The following TP53I13 variants were observed in gnomAD, a reference collection of about 807,000 sequenced individuals.
TP53I13 encodes tumor protein p53-inducible protein 13.
TP53I13 carries 27 observed loss-of-function variants against 39.1 expected under a neutral mutation model. The observed-to-expected ratio is 0.69, with a 90% CI of 0.51 to 0.95. The LOEUF is 0.95. TP53I13 is among the 40% of genes least tolerant of loss of function. The pLI is 0.00. For synonymous variants in TP53I13, 230 were observed against 224.6 expected, an observed-to-expected ratio of 1.02 and a Z score of -0.22; for missense variants, 544 against 520.4, an observed-to-expected ratio of 1.05 and a Z score of -0.44.
rs114349643 is a variant in TP53I13 at position 29,570,837 on chromosome 17, G to A, written c.184-754G>A. On this transcript the variant is annotated intron_variant, in intron 3 of 6. Transcript: ENST00000301057. ...CTCCACACCTGGCCTATCCTGACTC[G>A]GAGAGTGCAGCTCCCTGCCCTCCTG... 9.5e-3 allele frequency: 1,442 copies of A among 152,322 alleles called. 24 individuals are homozygous for A. Among genetic ancestry groups the A allele is most frequent in the African/African-American group, 0.032 (1,329 of 41,490 alleles). The allele number at this position is 152,322 out of a possible 1,614,324, so 9.4% of individuals were successfully genotyped here. A position where few individuals can be genotyped will look rare whatever the true frequency, so the allele number is the denominator to read the frequency against.
chr17:29,580,941 G>T, the TP53I13 span: 2 of 236,988 alleles, frequency 8.4e-6, no homozygotes, highest in South Asian at 1.1e-4. Flanking sequence ...CACCACGCCT[G>T]GCTAATTTTG....
downstream of TP53I13, chr17:29,576,638 TCA>T: frequency 6.2e-7 from 1 of 1,614,006 alleles, no homozygotes; most frequent in Middle Eastern, 1.6e-4. Context: ...TCCTGCAGCG[TCA>T]CAGCCCCGTC....
the TP53I13 span, chr17:29,582,219 CT>C: frequency 5.1e-5 from 60 of 1,179,738 alleles, no homozygotes; most frequent in Non-Finnish European, 6.5e-5. Context: ...TGCACCCTGG[CT>C]GCCCCTGGGA....
upstream of TP53I13, chr17:29,568,366 C>T (rs139041347): frequency 4.3e-4 from 66 of 152,422 alleles, no homozygotes; most frequent in Non-Finnish European, 9.1e-4. This position sits in a 1 kb window ranked among gnomAD's most constrained non-coding sequence, Gnocchi z 4.5. Context: ...ATTCCATTTC[C>T]GGCCTTACAC....
chr17:29,578,817 G>A, the TP53I13 span: 1 of 1,603,276 alleles, frequency 6.2e-7, no homozygotes, highest in East Asian at 2.2e-5. Context: ...GAGGAGAGGA[G>A]AGACCTGAGA....
At chr17:29,574,943 T>A (rs771872677), downstream of TP53I13, 135 of 1,532,228 alleles carry the variant, frequency 8.8e-5, no homozygotes, top group Non-Finnish European at 1.1e-4. Flanking sequence ...AGGCTGGACC[T>A]TGGACTTTAA....
chr17:29,575,227 C>G (rs965496338), downstream of TP53I13: 1 of 1,567,188 alleles, frequency 6.4e-7, no homozygotes, highest in African/African-American at 1.4e-5. The surrounding 1 kb of genome is among the most constrained non-coding windows in gnomAD (Gnocchi z 5.5). Flanking sequence ...CTCATGCTCT[C>G]TGCAACACCC....
chr17:29,577,636 C>T, downstream of TP53I13: 4 of 1,571,556 alleles, frequency 2.5e-6, no homozygotes, highest in Non-Finnish European at 3.5e-6. Context: ...CCCAATCCAG[C>T]CCCCTCACCT....
the TP53I13 span, chr17:29,578,448 G>A: frequency 2.2e-6 from 3 of 1,345,390 alleles, no homozygotes; most frequent in Admixed American, 1.7e-5. Context: ...AGCATGTTGT[G>A]AGCCTTGGGG....
At chr17:29,581,555 C>T in the TP53I13 span, 1 of 703,812 alleles carries the variant, frequency 1.4e-6, no homozygotes, top group Non-Finnish European at 2.5e-6. This position sits in a 1 kb window ranked among gnomAD's most constrained non-coding sequence, Gnocchi z 4.8. Context: ...GATGCCCACC[C>T]CCACTCCCTA....
downstream of TP53I13, chr17:29,577,325 G>T: frequency 9.3e-7 from 1 of 1,078,010 alleles, no homozygotes. Flanking sequence ...CAAGTAGCAA[G>T]GCATGGCTCT....
chr17:29,575,911 G>A, downstream of TP53I13: 3 of 1,599,462 alleles, frequency 1.9e-6, no homozygotes, highest in South Asian at 1.1e-5. The surrounding 1 kb of genome is among the most constrained non-coding windows in gnomAD (Gnocchi z 5.5). Context: ...GAAACCCAGG[G>A]CAGCGCTGGA....
chr17:29,579,623 G>C, the TP53I13 span, among the ~76,000 whole-genome samples: 1 of 151,894 alleles, frequency 6.6e-6, no homozygotes, highest in African/African-American at 2.4e-5. Flanking sequence ...TGTAGTCCCA[G>C]CTACTCAAGA....
chr17:29,569,400 C>G (rs1381236675), intron 3 of TP53I13, 41 bp downstream of exon 3: 3 of 1,605,056 alleles, frequency 1.9e-6, no homozygotes, highest in South Asian at 2.2e-5. Flanking sequence ...GTGTCCACGC[C>G]TGGAGACAGG....
chr17:29,578,586 A>G, the TP53I13 span: 1 of 866,830 alleles, frequency 1.2e-6, no homozygotes. Flanking sequence ...GAGGTCAGGG[A>G]GAGGGGACTG....
chr17:29,575,990 T>C (rs930379352), downstream of TP53I13: 16 of 1,552,686 alleles, frequency 1.0e-5, no homozygotes, highest in African/African-American at 1.6e-4. The surrounding 1 kb of genome is among the most constrained non-coding windows in gnomAD (Gnocchi z 5.5). Flanking sequence ...AGTCTAATCA[T>C]CTTAAGCCCC....
At chr17:29,577,344 A>C, downstream of TP53I13, 1 of 947,622 alleles carries the variant, frequency 1.1e-6, no homozygotes. Flanking sequence ...CTGCCATTTA[A>C]TTTAACCCCA....
chr17:29,577,610 T>C (rs776124447), downstream of TP53I13: 13 of 1,367,014 alleles, frequency 9.5e-6, no homozygotes, highest in African/African-American at 1.4e-5. Context: ...GGGGATGAAG[T>C]AGACCACCCC....
Position 29,568,993 on chromosome 17 carries a change from C to G in TP53I13, c.73-25C>G, listed in dbSNP as rs370382275. ...GCAGGGCCTCGCCGCGTCCAGCGCCCCAACTCTTCGCTTTGGACCCACAGG... is the reference window on the plus strand; with the variant it reads ...GCAGGGCCTCGCCGCGTCCAGCGCCGCAACTCTTCGCTTTGGACCCACAGG... On this transcript the variant is annotated intron_variant, in intron 1 of 6. Transcript: ENST00000301057. This position sits in a 1 kb window ranked among gnomAD's most constrained non-coding sequence, Gnocchi z 4.5. 302 of 1,603,402 alleles carry G rather than the reference C, an allele frequency of 1.9e-4. 3 individuals carry two copies. The highest frequency in any genetic ancestry group is 1.4e-4 in the Non-Finnish European group (160 of 1,176,302).
Sources: gnomAD v4.1 joint callset for allele counts (sites outside exome capture counted in the v4.1 genomes callset) on GRCh38, gnomAD v4.1.1 for gene constraint, Gnocchi (gnomAD v3.1) non-coding constraint, MANE v1.5 for transcripts, NCBI Gene and HGNC (gene_info 2026-07-23, HGNC 2026-07-21) for gene names.